ANGPT2: variants seen among roughly 807,000 people sequenced by gnomAD.
The protein encoded by ANGPT2 is angiopoietin 2.
In ANGPT2, 28 loss-of-function variants were observed where a neutral mutation model predicts 62.9. The ratio of observed to expected loss-of-function variants is 0.44; its 90% CI spans 0.33 to 0.61. The LOEUF (loss-of-function observed/expected upper bound fraction) is 0.61. ANGPT2 is among the 20% of genes least tolerant of loss of function. The pLI is 0.03. For synonymous variants in ANGPT2, 284 were observed against 207.8 expected (o/e 1.37, Z -3.15); for missense variants, 727 against 594.9 (o/e 1.22, Z -2.31).
At chr8:6,522,308 T>C (rs956580423) in intron 3 of ANGPT2, among the ~76,000 whole-genome samples, 12 of 151,088 alleles carry the variant, frequency 7.9e-5, no homozygotes, top group Non-Finnish European at 1.3e-4. Flanking sequence ...TGAGCTGAGA[T>C]CATGCCACTG....
chr8:6,556,403 C>A (rs957118450), intron 1 of ANGPT2, among the ~76,000 whole-genome samples: 6 of 152,202 alleles, frequency 3.9e-5, no homozygotes, highest in African/African-American at 1.4e-4. Context: ...AATTGATTTT[C>A]CTTTTATAAA....
chr8:6,517,264 C>G (rs1190300139), intron 5 of ANGPT2, among the ~76,000 whole-genome samples: 1 of 152,150 alleles, frequency 6.6e-6, no homozygotes, highest in African/African-American at 2.4e-5. Flanking sequence ...GTGCAGGAAC[C>G]TGATATCTTT....
At chr8:6,547,463 C>G (rs569410806) in intron 1 of ANGPT2, among the ~76,000 whole-genome samples, 4 of 152,162 alleles carry the variant, frequency 2.6e-5, no homozygotes, top group African/African-American at 9.7e-5. Flanking sequence ...CCATTCAGAA[C>G]TGACGTTTTC....
At chr8:6,544,614 G>A (rs527599343) in intron 1 of ANGPT2, among the ~76,000 whole-genome samples, 5 of 152,210 alleles carry the variant, frequency 3.3e-5, no homozygotes, top group South Asian at 4.2e-4. Context: ...AGTAAGAACC[G>A]ACATGCACAA....
intron 2 of ANGPT2, among the ~76,000 whole-genome samples, 182 bp downstream of exon 2, chr8:6,532,150 A>G (rs1350988477): frequency 6.6e-6 from 1 of 152,182 alleles, no homozygotes; most frequent in African/African-American, 2.4e-5. Context: ...AAACAAAAAC[A>G]GATTTACTGA....
chr8:6,560,972 A>C (rs1268640413), intron 1 of ANGPT2, among the ~76,000 whole-genome samples: 2 of 152,248 alleles, frequency 1.3e-5, no homozygotes. Flanking sequence ...TATTTACTGC[A>C]GTGCATCTTT....
intron 1 of ANGPT2, among the ~76,000 whole-genome samples, chr8:6,532,942 G>A (rs965155467): frequency 6.6e-6 from 1 of 152,178 alleles, no homozygotes; most frequent in Non-Finnish European, 1.5e-5. Context: ...TCTCCACATA[G>A]ACTTGAGAAG....
intron 3 of ANGPT2, among the ~76,000 whole-genome samples, chr8:6,525,447 C>T (rs374201220): frequency 9.2e-5 from 14 of 152,204 alleles, no homozygotes; most frequent in African/African-American, 3.1e-4. Flanking sequence ...CCTGGCTAGT[C>T]TCAAACTCCT....
chr8:6,512,609 C>A (rs796133088), intron 7 of ANGPT2, among the ~76,000 whole-genome samples: 4 of 152,226 alleles, frequency 2.6e-5, no homozygotes, highest in Non-Finnish European at 5.9e-5. Context: ...TCCCGTTGCA[C>A]ACACATTTCG....
chr8:6,530,526 A>T (rs1586408483), intron 2 of ANGPT2, among the ~76,000 whole-genome samples: 1 of 141,628 alleles, frequency 7.1e-6, no homozygotes, highest in African/African-American at 2.7e-5. Flanking sequence ...AAAAAAAAAA[A>T]AAAAAGTAAT....
intron 1 of ANGPT2, among the ~76,000 whole-genome samples, chr8:6,548,985 C>G (rs557944012): frequency 6.6e-6 from 1 of 152,334 alleles, no homozygotes; most frequent in African/African-American, 2.4e-5. Flanking sequence ...ATGAATCAAT[C>G]TATTCCTCAA....
At position 6,503,373 on chromosome 8, in the gene ANGPT2, C is replaced by G. The variant is rs773181413; in HGVS notation, c.1328-112G>C. On this transcript the variant is annotated intron_variant, in intron 8 of 8. Transcript: ENST00000629816. Reference sequence around the variant, plus strand: ...GCACACTGCAGGCGTGTGGAGTAGGCACATGCAGATGATGGTGAGTATAGG... The same window carrying G: ...GCACACTGCAGGCGTGTGGAGTAGGGACATGCAGATGATGGTGAGTATAGG... 44 of 1,071,872 alleles carry G rather than the reference C, an allele frequency of 4.1e-5. 1 individual carries two copies. The highest frequency in any genetic ancestry group is 5.7e-5 in the Non-Finnish European group (41 of 720,764). The allele number at this position is 1,071,872 out of a possible 1,614,324, so 66.4% of individuals were successfully genotyped here.
intron 5 of ANGPT2, among the ~76,000 whole-genome samples, chr8:6,515,710 C>T (rs1454112169): frequency 6.6e-6 from 1 of 152,074 alleles, no homozygotes; most frequent in African/African-American, 2.4e-5. Flanking sequence ...AATTTTCTGC[C>T]ACATACAAGG....
chr8:6,506,604 G>C lies in ANGPT2; in HGVS notation c.1327+2328C>G, dbSNP rs1225740520. ...CTAGGTGTCTGTGGCTCCTCCACCT[G>C]ACCCTTTCCCTGCTGTTCAGCTTTA... is the stretch of plus-strand genomic sequence containing the variant. On this transcript the variant is annotated intron_variant, in intron 8 of 8. Transcript: ENST00000629816. 2.0e-5 allele frequency among the ~76,000 whole-genome samples: 3 copies of C among 152,122 alleles called. No individual in the cohort carries two copies. In the South Asian group the frequency reaches 6.2e-4, roughly 32 times the overall value.
In ANGPT2 at chr8:6,546,973, C is replaced by T. The variant is rs996161186; in HGVS notation, c.289-14486G>A. Among the ~76,000 whole-genome samples the T allele has an allele frequency of 4.6e-5, 7 of 152,310 alleles. No individual in the cohort carries two copies. In the East Asian group the frequency reaches 1.4e-3, roughly 29 times the overall value. ...TTGCAAGCTGGCTGGTTAGTCCTGT[C>T]TTCTTTCAGGTGAACAGCATTTATA... On this transcript the variant is annotated intron_variant, in intron 1 of 8. Transcript: ENST00000629816.
chr8:6,505,388 T>TACATAAAGA lies in ANGPT2; in HGVS notation c.1328-2128_1328-2127insTCTTTATGT, dbSNP rs1563306744. 3.9e-3 allele frequency among the ~76,000 whole-genome samples: 241 copies of TACATAAAGA among 62,100 alleles called. 33 individuals carry two copies. Among genetic ancestry groups the TACATAAAGA allele is most frequent in the African/African-American group, 0.011 (224 of 19,810 alleles). The allele number at this position is 62,100 out of a possible 152,430, so 40.7% of individuals were successfully genotyped here. A position where few individuals can be genotyped will look rare whatever the true frequency, so the allele number is the denominator to read the frequency against. ...ATATAGAATATATATATTCTTTCTATATGTATATAGAATATATATATTCTT... is the reference window on the plus strand; with the variant it reads ...ATATAGAATATATATATTCTTTCTATACATAAAGAATGTATATAGAATATATATATTCTT... On this transcript the variant is annotated intron_variant, in intron 8 of 8. Transcript: ENST00000629816.
intron 1 of ANGPT2, among the ~76,000 whole-genome samples, chr8:6,533,291 G>C (rs1173765188): frequency 2.6e-5 from 4 of 152,166 alleles, no homozygotes; most frequent in Admixed American, 2.6e-4. Context: ...ACTGCCATTG[G>C]TATAGCTATC....
At chr8:6,536,173 C>G (rs1055921234) in intron 1 of ANGPT2, among the ~76,000 whole-genome samples, 2 of 152,060 alleles carry the variant, frequency 1.3e-5, no homozygotes, top group Non-Finnish European at 2.9e-5. Context: ...TCTTTAAAAA[C>G]AAGGAAGAAT....
intron 1 of ANGPT2, among the ~76,000 whole-genome samples, chr8:6,542,171 G>A (rs929288434): frequency 1.3e-5 from 2 of 152,110 alleles, no homozygotes; most frequent in Non-Finnish European, 2.9e-5. Flanking sequence ...AAGGCACACT[G>A]AAAGAAAAAA....
Sources: gnomAD v4.1 joint callset for allele counts (sites outside exome capture counted in the v4.1 genomes callset) on GRCh38, gnomAD v4.1.1 for gene constraint, MANE v1.5 for transcripts, NCBI Gene and HGNC (gene_info 2026-07-23, HGNC 2026-07-21) for gene names.